Variants in CTIF observed in about 807,000 individuals in gnomAD.
CTIF encodes cap binding complex dependent translation initiation factor.
In CTIF, 21 loss-of-function variants were observed where a neutral mutation model predicts 66.0. The ratio of observed to expected loss-of-function variants is 0.32; its 90% CI spans 0.23 to 0.46. The LOEUF is 0.46. Among genes scored for constraint, CTIF ranks in the 20% least tolerant of loss-of-function variants. The pLI, the probability that CTIF is intolerant of heterozygous loss-of-function variation, is 1.00. For missense variants in CTIF, 739 were observed against 812.7 expected (o/e 0.91, Z 1.10); for synonymous variants, 345 against 326.4 (o/e 1.06, Z -0.62).
At chr18:48,616,258 G>A (rs1000439953) in intron 1 of CTIF, among the ~76,000 whole-genome samples, 2 of 152,254 alleles carry the variant, frequency 1.3e-5, no homozygotes, top group African/African-American at 4.8e-5. Flanking sequence ...TCCTGCAGGT[G>A]GCTCCTTTTC....
At chr18:48,609,420 G>A (rs1235643731) in intron 1 of CTIF, among the ~76,000 whole-genome samples, 7 of 152,194 alleles carry the variant, frequency 4.6e-5, no homozygotes, top group Admixed American at 2.0e-4. Context: ...TTGTGAAGTC[G>A]AGTGACAATT....
intron 6 of CTIF, 22 bp downstream of exon 6, chr18:48,670,766 C>A: frequency 6.2e-7 from 1 of 1,603,994 alleles, no homozygotes; most frequent in East Asian, 2.2e-5. Context: ...GGCAGGCTCT[C>A]TAACAGCCCA....
intron 10 of CTIF, among the ~76,000 whole-genome samples, chr18:48,818,632 C>T (rs754395034): frequency 3.9e-5 from 6 of 151,986 alleles, no homozygotes; most frequent in Non-Finnish European, 5.9e-5. Context: ...AATGGAACCA[C>T]GCAGGAAGAG....
At chr18:48,749,314 T>C (rs1229409741) in intron 7 of CTIF, among the ~76,000 whole-genome samples, 1 of 152,204 alleles carries the variant, frequency 6.6e-6, no homozygotes, top group Non-Finnish European at 1.5e-5. Flanking sequence ...AGGAAGTCAC[T>C]GAAGGTGGAC....
At chr18:48,663,576 G>A (rs1205999306) in intron 3 of CTIF, among the ~76,000 whole-genome samples, 176 bp from the exon 4 acceptor site, 1 of 152,060 alleles carries the variant, frequency 6.6e-6, no homozygotes, top group African/African-American at 2.4e-5. Flanking sequence ...GAGGGCCTAT[G>A]CCTGGGGGGA....
intron 1 of CTIF, among the ~76,000 whole-genome samples, chr18:48,575,805 C>G (rs1431019875): frequency 1.3e-5 from 2 of 152,276 alleles, no homozygotes; most frequent in Non-Finnish European, 2.9e-5. Context: ...TAGTTATCCA[C>G]AGTAAACACA....
intron 9 of CTIF, among the ~76,000 whole-genome samples, chr18:48,764,313 G>C (rs1003912981): frequency 6.6e-6 from 1 of 152,236 alleles, no homozygotes; most frequent in Non-Finnish European, 1.5e-5. Context: ...ACTGGGCACA[G>C]CTTTGTCCTT....
chr18:48,692,130 T>C (rs1282409875), intron 6 of CTIF, among the ~76,000 whole-genome samples: 1 of 152,152 alleles, frequency 6.6e-6, no homozygotes, highest in Non-Finnish European at 1.5e-5. Flanking sequence ...TTTATCCTTT[T>C]CAAAAACCTG....
At chr18:48,564,307 A>G (rs1014759324) in intron 1 of CTIF, among the ~76,000 whole-genome samples, 1 of 152,178 alleles carries the variant, frequency 6.6e-6, no homozygotes, top group African/African-American at 2.4e-5. Context: ...TGGGTGGTGG[A>G]GGGAGCTTCC....
At chr18:48,648,530 G>A (rs1252437024) in intron 3 of CTIF, among the ~76,000 whole-genome samples, 1 of 151,546 alleles carries the variant, frequency 6.6e-6, no homozygotes, top group African/African-American at 2.4e-5. Context: ...TGCCATGATA[G>A]GCCTGTTTCT....
chr18:48,561,901 G>A lies in CTIF; in HGVS notation c.-29+22589G>A, dbSNP rs539923079. ...AACTACAACTTGCAGACTAACTCCA[G>A]CCCAATGCCTGTTTTTCTAAATGAA... On this transcript the variant is annotated intron_variant, in intron 1 of 11. Transcript: ENST00000256413. Among the ~76,000 whole-genome samples, 8 of 152,292 alleles carry A rather than the reference G, an allele frequency of 5.3e-5. No homozygotes were observed. The South Asian group carries it at 1.5e-3, about 28-fold the overall frequency.
intron 7 of CTIF, among the ~76,000 whole-genome samples, chr18:48,748,740 G>C (rs1907500922): frequency 6.6e-6 from 1 of 152,186 alleles, no homozygotes; most frequent in African/African-American, 2.4e-5. Context: ...ACTTCTTAGA[G>C]GGCTGCTGAG....
intron 9 of CTIF, among the ~76,000 whole-genome samples, chr18:48,806,737 C>T (rs556143738): frequency 1.5e-3 from 225 of 152,260 alleles, no homozygotes; most frequent in African/African-American, 5.0e-3. Context: ...TTGGCCACTG[C>T]GCTCCACCAT....
intron 1 of CTIF, among the ~76,000 whole-genome samples, chr18:48,603,138 G>GTGGATGGA (rs143398766): frequency 0.19 from 25,613 of 132,438 alleles, 2,436 homozygotes; most frequent in Non-Finnish European, 0.21. Context: ...TGGCTAGATA[G>GTGGATGGA]TGGATGGATG....
chr18:48,632,927 C>T (rs2144587915), intron 2 of CTIF, among the ~76,000 whole-genome samples: 1 of 152,260 alleles, frequency 6.6e-6, no homozygotes, highest in East Asian at 1.9e-4. Context: ...TATGGATGGC[C>T]TTGGACAAGG....
chr18:48,799,277 A>C (rs1209581801), intron 9 of CTIF, among the ~76,000 whole-genome samples: 1 of 152,194 alleles, frequency 6.6e-6, no homozygotes, highest in Non-Finnish European at 1.5e-5. Context: ...ACAACAACTT[A>C]TGGGCTTGAT....
intron 10 of CTIF, among the ~76,000 whole-genome samples, chr18:48,852,233 T>TGAAAAAA (rs2069219571): frequency 1.5e-5 from 1 of 66,596 alleles, no homozygotes; most frequent in Non-Finnish European, 2.8e-5. Flanking sequence ...GACCCTGTCT[T>TGAAAAAA]AAAAAAAAAA....
chr18:48,792,908 G>T (rs1048180567), intron 9 of CTIF, among the ~76,000 whole-genome samples: 13 of 152,158 alleles, frequency 8.5e-5, no homozygotes, highest in African/African-American at 3.1e-4. Flanking sequence ...GGGTGATCTG[G>T]ATAGAAATAA....
intron 9 of CTIF, among the ~76,000 whole-genome samples, chr18:48,814,929 G>A (rs922598435): frequency 3.3e-5 from 5 of 152,358 alleles, no homozygotes; most frequent in Admixed American, 1.3e-4. Context: ...GAGTGGGGAG[G>A]CAGGAGGCCT....
Sources: gnomAD v4.1 joint callset for allele counts (sites outside exome capture counted in the v4.1 genomes callset) on GRCh38, gnomAD v4.1.1 for gene constraint, MANE v1.5 for transcripts, NCBI Gene and HGNC (gene_info 2026-07-23, HGNC 2026-07-21) for gene names.